Variants in DSCAM observed in about 807,000 individuals in gnomAD.
The protein encoded by DSCAM is DS cell adhesion molecule, also known as cell adhesion molecule DSCAM.
Under a neutral mutation model 217.7 loss-of-function variants are expected in DSCAM, and 47 were observed. That is an observed-to-expected ratio of 0.22 (90% CI 0.17 to 0.28). The LOEUF is 0.28. Among genes scored for constraint, DSCAM ranks in the 10% least tolerant of loss-of-function variants. The pLI is 1.00. For synonymous variants in DSCAM, 1,056 were observed against 1,015.3 expected (o/e 1.04, Z -0.76); for missense variants, 2,080 against 2,618.3 (o/e 0.79, Z 4.49).
At chr21:40,466,572 T>G (rs2075847153) in intron 3 of DSCAM, among the ~76,000 whole-genome samples, 1 of 151,926 alleles carries the variant, frequency 6.6e-6, no homozygotes, top group Non-Finnish European at 1.5e-5. Flanking sequence ...ATTTCTTAAA[T>G]GGACTTGAAA....
At chr21:40,668,805 T>C (rs895046294) in intron 3 of DSCAM, among the ~76,000 whole-genome samples, 2 of 152,090 alleles carry the variant, frequency 1.3e-5, no homozygotes, top group African/African-American at 2.4e-5. Context: ...GAAGATGAGA[T>C]CACTCCAGAC....
At chr21:40,766,511 A>G (rs188966961) in intron 1 of DSCAM, among the ~76,000 whole-genome samples, 2 of 152,016 alleles carry the variant, frequency 1.3e-5, no homozygotes, top group Admixed American at 6.6e-5. Context: ...GTTATTTCAC[A>G]TTCTTTTCCC....
At chr21:40,052,440 A>G (rs565412301) in intron 29 of DSCAM, among the ~76,000 whole-genome samples, 1 of 152,278 alleles carries the variant, frequency 6.6e-6, no homozygotes, top group South Asian at 2.1e-4. Flanking sequence ...GTTTGTCAAA[A>G]GCTTCTCTGA....
intron 3 of DSCAM, among the ~76,000 whole-genome samples, chr21:40,500,017 G>A (rs1475274164): frequency 1.3e-5 from 2 of 152,064 alleles, no homozygotes; most frequent in African/African-American, 4.8e-5. Context: ...CTGACCTCAC[G>A]ATCCACCTGC....
chr21:40,170,871 T>A (rs967365590), intron 15 of DSCAM, among the ~76,000 whole-genome samples: 6 of 152,152 alleles, frequency 3.9e-5, no homozygotes, highest in Admixed American at 6.5e-5. Context: ...TCCTCTGGGC[T>A]CCCTGGGGCA....
chr21:40,093,872 C>A lies in DSCAM; in HGVS notation c.3699G>T (p.Val1233=). 1 of 1,613,206 alleles carries A rather than the reference C, an allele frequency of 6.2e-7. No individual in the cohort carries two copies. The highest frequency in any genetic ancestry group is 8.5e-7 in the Non-Finnish European group (1 of 1,179,758). The change falls in exon 21 of 33, where the codon GTG becomes GTT. Residue 1233 remains valine (V), a splice_region_variant and synonymous_variant. Coordinates refer to ENST00000400454, the MANE Select transcript of DSCAM (RefSeq NM_001389.5). ...TVFCSHPYPT[V]ISEFEASPDS... ...CGGGAGAGGCCTCAAACTCGCTGAT[C>A]ACCTGTAAAAAGAGACATAAGTGTT...
rs985283952 is a variant in DSCAM, at chr21:40,600,829, CTT to C, written c.508+91979_508+91980del. ...TTTCCCCATTGAATTGTCTTTGTTC[CTT>C]TGTCAATATTCAGTTGAATATATTT... On this transcript the variant is annotated intron_variant, in intron 3 of 32. Transcript: ENST00000400454. Among the ~76,000 whole-genome samples the C allele has an allele frequency of 1.2e-3, 175 of 152,142 alleles. 2 individuals are homozygous for C. The highest frequency in any genetic ancestry group is 5.8e-4 in the East Asian group (3 of 5,174).
intron 29 of DSCAM, among the ~76,000 whole-genome samples, chr21:40,053,152 A>C (rs1439778059): frequency 6.6e-6 from 1 of 152,198 alleles, no homozygotes; most frequent in African/African-American, 2.4e-5. Flanking sequence ...AACAGAATGA[A>C]CCTTACAAAA....
intron 1 of DSCAM, among the ~76,000 whole-genome samples, chr21:40,733,084 A>G (rs1260134668): frequency 6.6e-6 from 1 of 152,254 alleles, no homozygotes; most frequent in Non-Finnish European, 1.5e-5. Flanking sequence ...GGCCCCAGGT[A>G]TGGCAAACTG....
intron 14 of DSCAM, among the ~76,000 whole-genome samples, chr21:40,181,628 C>G (rs1313919629): frequency 2.0e-5 from 3 of 151,714 alleles, no homozygotes; most frequent in Admixed American, 1.3e-4. Flanking sequence ...GCATGACCTC[C>G]ACATACTCTC....
At position 40,821,027 on chromosome 21, in the gene DSCAM, T is replaced by TATATATATATCTTCACATATATATAG. The variant is rs1302896965; in HGVS notation, c.43+25566_43+25591dup. ...CTGTAGTTGGGGAGGGCTTCGCAGATATATATATATCTTCACATATATATA... is the reference window on the plus strand; with the variant it reads ...CTGTAGTTGGGGAGGGCTTCGCAGATATATATATATCTTCACATATATATAGATATATATATCTTCACATATATATA... On this transcript the variant is annotated intron_variant, in intron 1 of 32. Transcript: ENST00000400454. Among the ~76,000 whole-genome samples, 321 of 150,786 alleles carry TATATATATATCTTCACATATATATAG rather than the reference T, an allele frequency of 2.1e-3. 1 individual carries two copies. The highest frequency in any genetic ancestry group is 7.1e-3 in the African/African-American group (291 of 41,034).
intron 10 of DSCAM, among the ~76,000 whole-genome samples, chr21:40,289,838 G>GA (rs1310832125): frequency 6.6e-6 from 1 of 151,802 alleles, no homozygotes; most frequent in African/African-American, 2.4e-5. Context: ...CAAAATAGAA[G>GA]AAAAAAACAG....
At chr21:40,530,896 TCCATCCATCCATCCATCCATTCAA>T (rs1037809027) in intron 3 of DSCAM, among the ~76,000 whole-genome samples, 57 of 81,250 alleles carry the variant, frequency 7.0e-4, no homozygotes, top group African/African-American at 8.1e-4. Flanking sequence ...CATCCATCCA[TCCATCCATCCATCCATCCATTCAA>T]CCATCCATCC....
rs370566992 is a variant in DSCAM, at chr21:40,295,950, T to G, written c.2182+105A>C. On this transcript the variant is annotated intron_variant, in intron 10 of 32. Coordinates refer to ENST00000400454, the MANE Select transcript of DSCAM (RefSeq NM_001389.5). ...TAGGCTTGGTGGAAACAGAGATACG[T>G]ATCTACTTGCAAGAAACTTCTCTGG... 8 of 1,362,240 alleles carry G rather than the reference T, an allele frequency of 5.9e-6. No individual in the cohort carries two copies. In the African/African-American group the frequency reaches 7.4e-5, roughly 13 times the overall value. 84.4% of individuals were successfully genotyped at this position (1,362,240 alleles called of 1,614,324 possible).
chr21:40,725,915 T>G (rs533714086), intron 1 of DSCAM, among the ~76,000 whole-genome samples: 10 of 152,322 alleles, frequency 6.6e-5, no homozygotes, highest in African/African-American at 2.4e-4. Flanking sequence ...TGACCTCTCA[T>G]GTACCCTTCT....
chr21:40,742,874 T>G (rs1402495115), intron 1 of DSCAM, among the ~76,000 whole-genome samples: 1 of 152,170 alleles, frequency 6.6e-6, no homozygotes, highest in Non-Finnish European at 1.5e-5. Flanking sequence ...TAATTAACAT[T>G]TTCATCATTA....
chr21:40,780,858 C>T (rs2091537280), intron 1 of DSCAM, among the ~76,000 whole-genome samples: 1 of 151,904 alleles, frequency 6.6e-6, no homozygotes, highest in South Asian at 2.1e-4. Flanking sequence ...GTTATGGGAC[C>T]CTAGCAGACT....
intron 32 of DSCAM, among the ~76,000 whole-genome samples, chr21:40,028,607 A>G (rs888572736): frequency 7.9e-5 from 12 of 151,906 alleles, no homozygotes; most frequent in Admixed American, 4.6e-4. Flanking sequence ...GAGTGACCCG[A>G]TTTTCCAGGT....
rs57837494 is a variant in DSCAM, at chr21:40,487,304, CGTGTGTGT to C, written c.509-118067_509-118060del. ...GTGTGCATGTGTGCGTGTGTGCGTGCGTGTGTGTGTGTGTGTGTGTGTGAGAGAGAGAG... is the reference window on the plus strand; with the variant it reads ...GTGTGCATGTGTGCGTGTGTGCGTGCGTGTGTGTGTGTGTGAGAGAGAGAG... On this transcript the variant is annotated intron_variant, in intron 3 of 32. Transcript: ENST00000400454. Among the ~76,000 whole-genome samples, 29 of 141,882 alleles carry C rather than the reference CGTGTGTGT, an allele frequency of 2.0e-4. No homozygotes were observed. In the East Asian group the frequency reaches 4.4e-3, roughly 22 times the overall value. 93.1% of individuals were successfully genotyped at this position (141,882 alleles called of 152,430 possible).
Sources: allele counts gnomAD v4.1 joint callset (sites outside exome capture counted in the v4.1 genomes callset), GRCh38; gene constraint gnomAD v4.1.1; transcripts MANE v1.5; gene names NCBI Gene and HGNC (gene_info 2026-07-23, HGNC 2026-07-21).